Variants in DIP2C observed in about 807,000 individuals in gnomAD.
The protein encoded by DIP2C is DIP2 acetate--CoA ligase C (putative).
DIP2C carries 33 observed loss-of-function variants against 192.4 expected under a neutral mutation model. The ratio of observed to expected loss-of-function variants is 0.17; its 90% CI spans 0.13 to 0.23. DIP2C has a LOEUF of 0.23. Among genes scored for constraint, DIP2C ranks in the 10% least tolerant of loss-of-function variants. DIP2C has a pLI of 1.00. For synonymous variants in DIP2C, 979 were observed against 864.1 expected, an observed-to-expected ratio of 1.13 and a Z score of -2.33; for missense variants, 1,537 against 2,110.1, an observed-to-expected ratio of 0.73 and a Z score of 5.32.
At chr10:565,172 G>A (rs1042322167) in intron 1 of DIP2C, among the ~76,000 whole-genome samples, 3 of 152,086 alleles carry the variant, frequency 2.0e-5, no homozygotes, top group Non-Finnish European at 4.4e-5. Flanking sequence ...GTGAGCACAG[G>A]CAAGAGAACA....
intron 24 of DIP2C, among the ~76,000 whole-genome samples, chr10:355,460 T>TA (rs1959037053): frequency 6.6e-6 from 1 of 152,246 alleles, no homozygotes; most frequent in South Asian, 2.1e-4. Flanking sequence ...AAGATTTTGA[T>TA]ACTCAGCAAT....
intron 1 of DIP2C, among the ~76,000 whole-genome samples, chr10:590,151 C>T (rs781132348): frequency 2.6e-5 from 4 of 152,198 alleles, no homozygotes; most frequent in Non-Finnish European, 4.4e-5. Flanking sequence ...CTGTGAAAAC[C>T]GGAGTCACGG....
chr10:450,116 A>C (rs1313871779), intron 3 of DIP2C, among the ~76,000 whole-genome samples: 1 of 152,154 alleles, frequency 6.6e-6, no homozygotes, highest in Non-Finnish European at 1.5e-5. Context: ...CGTCCACTCC[A>C]TGTTGCATTT....
At chr10:634,231 C>T (rs1258332351) in intron 1 of DIP2C, among the ~76,000 whole-genome samples, 1 of 152,240 alleles carries the variant, frequency 6.6e-6, no homozygotes, top group Non-Finnish European at 1.5e-5. Context: ...TGAGGCTCCA[C>T]ACAGATGGCA....
intron 1 of DIP2C, among the ~76,000 whole-genome samples, chr10:687,307 T>G (rs947440080): frequency 6.6e-6 from 1 of 152,202 alleles, no homozygotes; most frequent in Admixed American, 6.5e-5. Flanking sequence ...AGACAGAGAA[T>G]TCCAAATGAC....
chr10:543,884 C>A (rs1381660738), intron 1 of DIP2C, among the ~76,000 whole-genome samples: 1 of 147,400 alleles, frequency 6.8e-6, no homozygotes, highest in Non-Finnish European at 1.5e-5. Context: ...GCAAAAGAAA[C>A]CTTGAATCCA....
intron 23 of DIP2C, 93 bp downstream of exon 23, chr10:357,735 G>T (rs544294374): frequency 2.2e-6 from 2 of 918,180 alleles, no homozygotes; most frequent in Non-Finnish European, 3.4e-6. Flanking sequence ...GAAGGTAGGG[G>T]ACAGTCGGGT....
At chr10:481,021 G>T (rs181639646) in intron 2 of DIP2C, among the ~76,000 whole-genome samples, 1 of 152,162 alleles carries the variant, frequency 6.6e-6, no homozygotes, top group Non-Finnish European at 1.5e-5. Context: ...CCCGGGACAG[G>T]TCCCCGGGAC....
At chr10:411,743 A>G (rs1365822309) in intron 8 of DIP2C, among the ~76,000 whole-genome samples, 1 of 152,218 alleles carries the variant, frequency 6.6e-6, no homozygotes, top group Non-Finnish European at 1.5e-5. Flanking sequence ...ATCACTCAGT[A>G]TTAGAACAAT....
intron 1 of DIP2C, among the ~76,000 whole-genome samples, chr10:618,042 T>G (rs557073432): frequency 1.2e-4 from 19 of 152,300 alleles, no homozygotes; most frequent in Non-Finnish European, 2.1e-4. Flanking sequence ...ACTCTGTGAT[T>G]GTGTGTTTAA....
chr10:589,114 G>T (rs1044741138), intron 1 of DIP2C, among the ~76,000 whole-genome samples: 4 of 152,044 alleles, frequency 2.6e-5, no homozygotes, highest in African/African-American at 4.8e-5. Context: ...ATGCTTTCAG[G>T]CCACCCTCCC....
At chr10:340,679 C>G (rs747253781) in intron 29 of DIP2C, 106 of 438,166 alleles carry the variant, frequency 2.4e-4, no homozygotes, top group Non-Finnish European at 4.7e-4. Flanking sequence ...ATTCATTCAT[C>G]CCATAAATAC....
chr10:683,884 A>G (rs1310450279), intron 1 of DIP2C, among the ~76,000 whole-genome samples: 1 of 152,262 alleles, frequency 6.6e-6, no homozygotes, highest in Non-Finnish European at 1.5e-5. Context: ...GAGGAGGAAG[A>G]CAGTGACTCA....
At position 514,428 on chromosome 10, in the gene DIP2C, A is replaced by G. The variant is rs1846221850; in HGVS notation, c.86-27898T>C. ...CTGGCTTCGTGCCGGGAACAGTTCC[A>G]GGCGTCTTCTTTGTCCGAGGAATTT... is the stretch of plus-strand genomic sequence containing the variant. On this transcript the variant is annotated intron_variant, in intron 1 of 36. Coordinates refer to ENST00000280886, the MANE Select transcript of DIP2C (RefSeq NM_014974.3). Among the ~76,000 whole-genome samples, 3 of 152,256 alleles carry G rather than the reference A, an allele frequency of 2.0e-5. No individual in the cohort carries two copies. The South Asian group carries it at 6.2e-4, about 32-fold the overall frequency.
intron 6 of DIP2C, among the ~76,000 whole-genome samples, chr10:418,393 T>C (rs546589550): frequency 1.3e-5 from 2 of 152,242 alleles, no homozygotes; most frequent in South Asian, 2.1e-4. Flanking sequence ...GATGACAGCA[T>C]ACCAAGGCTG....
At chr10:449,889 T>TG (rs1385982056) in intron 3 of DIP2C, among the ~76,000 whole-genome samples, 1 of 147,450 alleles carries the variant, frequency 6.8e-6, no homozygotes, top group East Asian at 2.0e-4. Flanking sequence ...TACAGTCATG[T>TG]GCCAAATAAA....
rs964507655 is a variant in DIP2C, at chr10:331,376, T to C, written c.3585-1775A>G. ...GCGTTTTTGGGCAATTTTCCATTTC[T>C]TTCCTCATTCTTATTCCAAAGCTTG... On this transcript the variant is annotated intron_variant, in intron 29 of 36. Transcript: ENST00000280886. Among the ~76,000 whole-genome samples the C allele has an allele frequency of 2.0e-5, 3 of 152,230 alleles. 1 individual carries two copies. In the South Asian group the frequency reaches 6.2e-4, roughly 32 times the overall value.
At chr10:645,589 T>A (rs1855407757) in intron 1 of DIP2C, among the ~76,000 whole-genome samples, 1 of 152,248 alleles carries the variant, frequency 6.6e-6, no homozygotes, top group African/African-American at 2.4e-5. Context: ...TATAAGTAAT[T>A]TTTAAACAAA....
At chr10:295,040 T>G (rs1955681352) in intron 32 of DIP2C, among the ~76,000 whole-genome samples, 1 of 149,860 alleles carries the variant, frequency 6.7e-6, no homozygotes, top group Non-Finnish European at 1.5e-5. Flanking sequence ...TCAAAAGAAA[T>G]AAATGTCCAG....
Sources: gnomAD v4.1 joint callset for allele counts (sites outside exome capture counted in the v4.1 genomes callset) on GRCh38, gnomAD v4.1.1 for gene constraint, MANE v1.5 for transcripts, NCBI Gene and HGNC (gene_info 2026-07-23, HGNC 2026-07-21) for gene names.